WASF3: variants seen among roughly 807,000 people sequenced by gnomAD.
WASF3 encodes WASP family member 3.
WASF3 carries 11 observed loss-of-function variants against 46.6 expected under a neutral mutation model. The ratio of observed to expected loss-of-function variants is 0.24; its 90% CI spans 0.15 to 0.39. The LOEUF (loss-of-function observed/expected upper bound fraction) is 0.39, where lower values mean the gene tolerates loss of function less well. Among genes scored for constraint, WASF3 ranks in the 10% least tolerant of loss-of-function variants. The pLI, the probability that WASF3 is intolerant of heterozygous loss-of-function variation, is 1.00. For synonymous variants in WASF3, 242 were observed against 259.7 expected, an observed-to-expected ratio of 0.93 and a Z score of 0.65; for missense variants, 576 against 669.8, an observed-to-expected ratio of 0.86 and a Z score of 1.55.
chr13:26,662,207 A>T (rs1882650945), intron 3 of WASF3, among the ~76,000 whole-genome samples: 1 of 152,230 alleles, frequency 6.6e-6, no homozygotes, highest in Non-Finnish European at 1.5e-5. Flanking sequence ...CATGGTGGGA[A>T]TGTAAATTAG....
chr13:26,668,060 C>T (rs1381462266), intron 5 of WASF3, among the ~76,000 whole-genome samples: 1 of 151,916 alleles, frequency 6.6e-6, no homozygotes, highest in Admixed American at 6.6e-5. Context: ...CCTGTTTCAG[C>T]ACTGCAGAGA....
At chr13:26,638,539 A>T (rs1392928225) in intron 2 of WASF3, 1 of 152,212 alleles carries the variant, frequency 6.6e-6, no homozygotes, top group Non-Finnish European at 1.5e-5. Context: ...TAAAGGAATC[A>T]AGAGGCGTAC....
upstream of WASF3, among the ~76,000 whole-genome samples, chr13:26,554,229 C>T (rs78756037): frequency 0.15 from 23,123 of 151,334 alleles, 2,008 homozygotes; most frequent in Admixed American, 0.21. Context: ...TAGGCTGAAG[C>T]GACACTCCTG....
Position 26,667,532 on chromosome 13 carries a change from T to C in WASF3, c.284T>C (p.Ile95Thr). The change falls in exon 5 of 10, where the codon ATC becomes ACC. Residue 95 changes from isoleucine to threonine, a missense_variant. Transcript: ENST00000335327. The part of the protein sequence containing the change: ...STVEEVSLQD[I>T]NMKKAFKSST... The stretch of plus-strand genomic sequence containing the variant: ...CTCTAAATAGTCTCACTACAGGATA[T>C]CAACATGAAAAAAGCTTTCAAAAGT... 3 of 1,614,038 alleles carry C rather than the reference T, an allele frequency of 1.9e-6. No individual in the cohort carries two copies. The highest frequency in any genetic ancestry group is 1.7e-6 in the Non-Finnish European group (2 of 1,179,984).
rs143805474 is a variant in WASF3, at chr13:26,571,959, G to A, written c.-109+14140G>A. Among the ~76,000 whole-genome samples the A allele has an allele frequency of 1.7e-3, 257 of 152,280 alleles. 2 individuals are homozygous for A. The highest frequency in any genetic ancestry group is 5.9e-3 in the African/African-American group (246 of 41,564). The stretch of plus-strand genomic sequence containing the variant: ...GTTTATTCCTGAGTATTTTGTTGCT[G>A]TTATAAATGGGACTTTCTGTTCCAT... On this transcript the variant is annotated intron_variant, in intron 1 of 9. Coordinates refer to ENST00000335327, the MANE Select transcript of WASF3 (RefSeq NM_006646.6).
intron 1 of WASF3, among the ~76,000 whole-genome samples, chr13:26,612,734 G>A (rs1881016296): frequency 6.6e-6 from 1 of 152,144 alleles, no homozygotes; most frequent in Non-Finnish European, 1.5e-5. Context: ...ATTATTTACT[G>A]TGAGTCCTTG....
chr13:26,557,063 T>C (rs1426771235), upstream of WASF3, among the ~76,000 whole-genome samples: 2 of 152,210 alleles, frequency 1.3e-5, no homozygotes, highest in Non-Finnish European at 2.9e-5. Flanking sequence ...TAGCTGGCAG[T>C]TTCAGGGATA....
At chr13:26,645,250 C>T (rs1882115580) in intron 3 of WASF3, among the ~76,000 whole-genome samples, 1 of 152,082 alleles carries the variant, frequency 6.6e-6, no homozygotes, top group Non-Finnish European at 1.5e-5. Context: ...ACACCTTGCC[C>T]CTTCTGCCTA....
At chr13:26,645,534 T>C (rs1882124640) in intron 3 of WASF3, among the ~76,000 whole-genome samples, 1 of 152,184 alleles carries the variant, frequency 6.6e-6, no homozygotes, top group Non-Finnish European at 1.5e-5. Flanking sequence ...TTTCATAGAA[T>C]TATATCTCGT....
At chr13:26,612,803 C>T (rs1325518920) in intron 1 of WASF3, among the ~76,000 whole-genome samples, 158 bp from the exon 2 acceptor site, 1 of 152,116 alleles carries the variant, frequency 6.6e-6, no homozygotes, top group African/African-American at 2.4e-5. Flanking sequence ...ATTTCACACA[C>T]CTTATTAGCT....
At chr13:26,678,237 T>C (rs1883123028) in intron 7 of WASF3, among the ~76,000 whole-genome samples, 1 of 152,226 alleles carries the variant, frequency 6.6e-6, no homozygotes. Context: ...TTGTATTGGA[T>C]TATAACCCTT....
chr13:26,671,732 A>G (rs2137482732), intron 5 of WASF3, 140 bp from the exon 6 acceptor site: 1 of 486,708 alleles, frequency 2.1e-6, no homozygotes, highest in East Asian at 3.3e-5. Context: ...GGAAACTTAA[A>G]GACTTAATAT....
chr13:26,589,083 T>C (rs6491139), intron 1 of WASF3, among the ~76,000 whole-genome samples: 3,136 of 152,302 alleles, frequency 0.021, 113 homozygotes, highest in African/African-American at 0.072. Context: ...CACGAGCTAC[T>C]GTGCCTGGCC....
intron 6 of WASF3, among the ~76,000 whole-genome samples, chr13:26,676,321 A>G (rs1435662267): frequency 6.6e-6 from 1 of 152,082 alleles, no homozygotes; most frequent in Non-Finnish European, 1.5e-5. Context: ...ATGGTAAGCA[A>G]CTCTTAACAG....
At position 26,682,555 on chromosome 13, in the gene WASF3, A is replaced by T. The variant is rs1883261857; in HGVS notation, c.984-52A>T. The T allele has an allele frequency of 5.0e-6, 8 of 1,610,920 alleles. No individual in the cohort carries two copies. Among genetic ancestry groups the T allele is most frequent in the South Asian group, 2.2e-5 (2 of 90,720 alleles). On this transcript the variant is annotated intron_variant, in intron 8 of 9. Transcript: ENST00000335327. This position sits in a 1 kb window ranked among gnomAD's most constrained non-coding sequence, Gnocchi z 4.4. ...CGTTAGGTGTCTAAGAGCTCCCAGGACGTGACCCTCTCTTGTTCCCTTGGT... is the reference window on the plus strand; with the variant it reads ...CGTTAGGTGTCTAAGAGCTCCCAGGTCGTGACCCTCTCTTGTTCCCTTGGT...
intron 6 of WASF3, among the ~76,000 whole-genome samples, chr13:26,673,050 A>G (rs979999348): frequency 1.3e-5 from 2 of 152,204 alleles, no homozygotes; most frequent in African/African-American, 4.8e-5. Context: ...GAAAAAAGAA[A>G]GATACCAATC....
intron 1 of WASF3, among the ~76,000 whole-genome samples, chr13:26,575,315 A>G (rs1010320125): frequency 6.6e-6 from 1 of 151,824 alleles, no homozygotes; most frequent in African/African-American, 2.4e-5. Flanking sequence ...TTTTCAGGAC[A>G]TATACAGTTT....
chr13:26,602,001 T>C (rs1008170413), intron 1 of WASF3, among the ~76,000 whole-genome samples: 5 of 152,244 alleles, frequency 3.3e-5, no homozygotes, highest in African/African-American at 1.2e-4. Context: ...CTGCCGGTTA[T>C]TAAATGCCTC....
chr13:26,581,261 A>C (rs1032955531), intron 1 of WASF3, among the ~76,000 whole-genome samples: 1 of 152,126 alleles, frequency 6.6e-6, no homozygotes, highest in Non-Finnish European at 1.5e-5. Context: ...TTATTTTGAA[A>C]GTATCGGTTG....
Sources: allele counts gnomAD v4.1 joint callset (sites outside exome capture counted in the v4.1 genomes callset), GRCh38; gene constraint gnomAD v4.1.1; non-coding constraint Gnocchi (gnomAD v3.1); transcripts MANE v1.5; gene names NCBI Gene and HGNC (gene_info 2026-07-23, HGNC 2026-07-21).